The following FNDC7 variants were observed in gnomAD, a reference collection of about 807,000 sequenced individuals.
FNDC7 encodes fibronectin type III domain-containing protein 7.
Under a neutral mutation model 74.2 loss-of-function variants are expected in FNDC7, and 66 were observed. That is an observed-to-expected ratio of 0.89 (90% CI 0.73 to 1.09). The LOEUF is 1.09. Among genes scored for constraint, FNDC7 ranks in the 50% least tolerant of loss-of-function variants. The pLI is 0.00. For synonymous variants in FNDC7, 307 were observed against 330.2 expected, an observed-to-expected ratio of 0.93 and a Z score of 0.76; for missense variants, 829 against 893.4, an observed-to-expected ratio of 0.93 and a Z score of 0.92.
At chr1:108,719,934 A>G (rs1198093444) in intron 4 of FNDC7, among the ~76,000 whole-genome samples, 1 of 152,228 alleles carries the variant, frequency 6.6e-6, no homozygotes, top group Non-Finnish European at 1.5e-5. Flanking sequence ...TGTTCTCTCC[A>G]ACTTTCCCTA....
chr1:108,731,047 C>G (rs1661333826), intron 9 of FNDC7, 119 bp downstream of exon 9: 1 of 1,178,688 alleles, frequency 8.5e-7, no homozygotes, highest in Admixed American at 2.7e-5. Flanking sequence ...ATTATAAACT[C>G]AGATTACTTT....
chr1:108,713,418 G>A (rs1660911144), intron 1 of FNDC7, 93 bp from the exon 2 acceptor site: 2 of 1,056,828 alleles, frequency 1.9e-6, no homozygotes, highest in African/African-American at 1.6e-5. Flanking sequence ...TAAAAATGTT[G>A]TGATTAATTT....
chr1:108,739,041 G>A (rs1027154812), intron 11 of FNDC7, among the ~76,000 whole-genome samples: 1 of 152,064 alleles, frequency 6.6e-6, no homozygotes, highest in Non-Finnish European at 1.5e-5. Context: ...TAGGTCCCCA[G>A]GGGAGAGGAG....
intron 5 of FNDC7, among the ~76,000 whole-genome samples, 173 bp downstream of exon 5, chr1:108,722,765 C>T (rs924299502): frequency 6.6e-6 from 1 of 152,134 alleles, no homozygotes; most frequent in Non-Finnish European, 1.5e-5. Flanking sequence ...GATAGTGAAG[C>T]GAGATATTGT....
Position 108,733,363 on chromosome 1 carries a change from C to T in FNDC7, c.1971C>T (p.Tyr657=), listed in dbSNP as rs1661435671. 1.9e-6 allele frequency: 3 copies of T among 1,614,166 alleles called. No homozygotes were observed. Among genetic ancestry groups the T allele is most frequent in the Middle Eastern group, 3.3e-4 (2 of 6,062 alleles). ...AAGCCTCCAGGGGCTCTGCCAATTACAGCACTGACCTCTATGGCTCCAAAG... is the reference window on the plus strand; with the variant it reads ...AAGCCTCCAGGGGCTCTGCCAATTATAGCACTGACCTCTATGGCTCCAAAG... ...YWQASRGSAN[Y]STDLYGSKGI... Residue 657 remains tyrosine, a synonymous_variant, in exon 10 of 13, where the codon TAC becomes TAT. Transcript: ENST00000370017.
At position 108,739,393 on chromosome 1, in the gene FNDC7, A is replaced by C. The variant is rs542615707; in HGVS notation, c.2170+1869A>C. ...GTGCCTGTAGTTCCCCTGTAGTCCC[A>C]GCTACTTGGGAGGGTGAGGTGAGAA... On this transcript the variant is annotated intron_variant, in intron 11 of 12. Coordinates refer to ENST00000370017, the MANE Select transcript of FNDC7 (RefSeq NM_001144937.3). Among the ~76,000 whole-genome samples, 193 of 152,310 alleles carry C rather than the reference A, an allele frequency of 1.3e-3. 1 individual carries two copies. Among genetic ancestry groups the C allele is most frequent in the African/African-American group, 4.5e-3 (186 of 41,560 alleles).
rs1661662393 is a variant in FNDC7 at position 108,742,074 on chromosome 1, G to T, written c.*187G>T. 4.1e-6 allele frequency: 2 copies of T among 490,116 alleles called. No homozygotes were observed. The highest frequency in any genetic ancestry group is 7.4e-5 in the Admixed American group (2 of 27,020). 30.4% of individuals were successfully genotyped at this position (490,116 alleles called of 1,614,324 possible). ...GGCAAGGTCAGGTGTGTCCTCACCT[G>T]CACAGCAGTTGGAGATCTGCTATGT... On this transcript the variant is annotated 3_prime_UTR_variant, in exon 13 of 13. Coordinates refer to ENST00000370017, the MANE Select transcript of FNDC7 (RefSeq NM_001144937.3).
intron 9 of FNDC7, among the ~76,000 whole-genome samples, chr1:108,732,939 T>C (rs1422366189): frequency 6.7e-6 from 1 of 150,100 alleles, no homozygotes; most frequent in Non-Finnish European, 1.5e-5. Context: ...TGGCTAATTT[T>C]TTTTTTTTTT....
At chr1:108,716,330 T>G (rs1207033890) in intron 2 of FNDC7, among the ~76,000 whole-genome samples, 3 of 98,778 alleles carry the variant, frequency 3.0e-5, no homozygotes, top group East Asian at 2.6e-4. Context: ...GGTGTGTGTG[T>G]GTGTGTGTGT....
intron 6 of FNDC7, among the ~76,000 whole-genome samples, chr1:108,727,349 C>CAAA (rs1293673211): frequency 6.6e-6 from 1 of 151,948 alleles, no homozygotes; most frequent in Non-Finnish European, 1.5e-5. Context: ...ACAACAACAA[C>CAAA]AACAAAAAAA....
chr1:108,722,166 G>A (rs1661105063), intron 4 of FNDC7, among the ~76,000 whole-genome samples, 169 bp from the exon 5 acceptor site: 1 of 152,198 alleles, frequency 6.6e-6, no homozygotes, highest in African/African-American at 2.4e-5. Flanking sequence ...AGTAGCAGAT[G>A]AATTACCAGT....
intron 4 of FNDC7, among the ~76,000 whole-genome samples, chr1:108,720,287 A>G (rs1661068266): frequency 6.6e-6 from 1 of 152,214 alleles, no homozygotes; most frequent in Non-Finnish European, 1.5e-5. Flanking sequence ...CAAATAAAGC[A>G]TGATCCCTCC....
At chr1:108,717,685 C>A in intron 2 of FNDC7, 92 bp from the exon 3 acceptor site, 3 of 1,322,538 alleles carry the variant, frequency 2.3e-6, no homozygotes, top group Admixed American at 2.2e-5. Flanking sequence ...TGAAGGAAGG[C>A]ATGAGAATGA....
intron 8 of FNDC7, 149 bp from the exon 9 acceptor site, chr1:108,730,525 A>G: frequency 1.1e-6 from 1 of 886,402 alleles, no homozygotes; most frequent in Non-Finnish European, 1.6e-6. Context: ...AGAGGGAATG[A>G]ACAAAAGGAA....
At chr1:108,729,900 G>A (rs1316952587) in intron 8 of FNDC7, among the ~76,000 whole-genome samples, 3 of 152,138 alleles carry the variant, frequency 2.0e-5, no homozygotes, top group Non-Finnish European at 2.9e-5. Context: ...TCCTATATTC[G>A]GGTAATGGGT....
intron 4 of FNDC7, among the ~76,000 whole-genome samples, chr1:108,721,833 C>T (rs1482427327): frequency 6.6e-6 from 1 of 152,108 alleles, no homozygotes; most frequent in African/African-American, 2.4e-5. Flanking sequence ...GACCGAAAAG[C>T]TATTACAGTA....
chr1:108,734,708 G>A (rs1661470954), intron 10 of FNDC7: 1 of 152,162 alleles, frequency 6.6e-6, no homozygotes. Flanking sequence ...CACAGGACAA[G>A]CTGGCCCAAA....
chr1:108,713,635 AT>A, intron 2 of FNDC7, 106 bp downstream of exon 2: 1 of 1,044,212 alleles, frequency 9.6e-7, no homozygotes, highest in Non-Finnish European at 1.4e-6. Context: ...AGAAAAAAAA[AT>A]TCAATATTTT....
chr1:108,727,983 C>T lies in FNDC7; in HGVS notation c.1287C>T (p.Asp429=), dbSNP rs1661257385. Residue 429 remains aspartate (D), a synonymous_variant, in exon 7 of 13, where the codon GAC becomes GAT. Coordinates refer to ENST00000370017, the MANE Select transcript of FNDC7 (RefSeq NM_001144937.3). ...GCACCCTTTCGGCTCTAGAGTGTGA[C>T]ACCAAGTACAACATCACAGTGTATT... The part of the protein sequence containing the change: ...PACTLSALEC[D]TKYNITVYSF... 2 of 1,614,028 alleles carry T rather than the reference C, an allele frequency of 1.2e-6. No individual in the cohort carries two copies. The highest frequency in any genetic ancestry group is 1.3e-5 in the African/African-American group (1 of 74,896).
Sources: gnomAD v4.1 joint callset for allele counts (sites outside exome capture counted in the v4.1 genomes callset) on GRCh38, gnomAD v4.1.1 for gene constraint, MANE v1.5 for transcripts, NCBI Gene and HGNC (gene_info 2026-07-23, HGNC 2026-07-21) for gene names.